Variants in ZDHHC3 observed in about 807,000 individuals in gnomAD.
ZDHHC3 encodes the protein zDHHC palmitoyltransferase 3, also known as palmitoyltransferase ZDHHC3.
Under a neutral mutation model 30.6 loss-of-function variants are expected in ZDHHC3, and 9 were observed. The observed-to-expected ratio is 0.29, with a 90% CI of 0.18 to 0.51. The LOEUF is 0.51. Ranked by LOEUF, ZDHHC3 falls within the 20% of genes least tolerant of loss-of-function variation. ZDHHC3 has a pLI of 0.97. For missense variants in ZDHHC3, 246 were observed against 384.2 expected, an observed-to-expected ratio of 0.64 and a Z score of 3.01; for synonymous variants, 136 against 140.2, an observed-to-expected ratio of 0.97 and a Z score of 0.21.
At chr3:44,936,114 G>T (rs1166802615) in intron 3 of ZDHHC3, among the ~76,000 whole-genome samples, 1 of 152,126 alleles carries the variant, frequency 6.6e-6, no homozygotes, top group African/African-American at 2.4e-5. Flanking sequence ...CTATGCATCT[G>T]ACAAAGGTCT....
At chr3:44,965,379 T>G (rs939430550) in intron 1 of ZDHHC3, among the ~76,000 whole-genome samples, 4 of 152,122 alleles carry the variant, frequency 2.6e-5, no homozygotes, top group Non-Finnish European at 4.4e-5. Context: ...GAGTCAGCCT[T>G]GGGGTATACC....
chr3:44,967,729 A>G (rs1705076429), intron 1 of ZDHHC3, among the ~76,000 whole-genome samples: 1 of 152,226 alleles, frequency 6.6e-6, no homozygotes, highest in Non-Finnish European at 1.5e-5. Flanking sequence ...AACTGGTTAA[A>G]AAAAATCAGA....
intron 2 of ZDHHC3, among the ~76,000 whole-genome samples, chr3:44,956,998 T>C (rs1575907433): frequency 6.6e-6 from 1 of 152,198 alleles, no homozygotes; most frequent in East Asian, 1.9e-4. Flanking sequence ...GTTTCTCAGA[T>C]GTGCTGAGCA....
At chr3:44,952,744 C>T (rs1703578123) in intron 2 of ZDHHC3, among the ~76,000 whole-genome samples, 1 of 152,194 alleles carries the variant, frequency 6.6e-6, no homozygotes, top group Non-Finnish European at 1.5e-5. Flanking sequence ...CAGGCACCTC[C>T]TTGCTTCTAG....
At chr3:44,965,752 T>C (rs547207042) in intron 1 of ZDHHC3, among the ~76,000 whole-genome samples, 1 of 152,200 alleles carries the variant, frequency 6.6e-6, no homozygotes, top group Non-Finnish European at 1.5e-5. Flanking sequence ...GTCCAGCAAG[T>C]GTACCAAGGA....
chr3:44,966,911 C>T (rs1704999086), intron 1 of ZDHHC3, among the ~76,000 whole-genome samples: 1 of 152,078 alleles, frequency 6.6e-6, no homozygotes, highest in Non-Finnish European at 1.5e-5. Flanking sequence ...AGAAAGGTGC[C>T]TTATCTTCTG....
Position 44,922,516 on chromosome 3 carries a change from G to A in ZDHHC3, c.*4173C>T. The A allele has an allele frequency of 2.0e-6, 2 of 985,404 alleles. No individual in the cohort carries two copies. Among genetic ancestry groups the A allele is most frequent in the Non-Finnish European group, 2.4e-6 (2 of 829,918 alleles). The allele number at this position is 985,404 out of a possible 1,614,324, so 61.0% of individuals were successfully genotyped here. On this transcript the variant is annotated 3_prime_UTR_variant, in exon 7 of 7. Coordinates refer to ENST00000424952, the MANE Select transcript of ZDHHC3 (RefSeq NM_001135179.2). ...GGGAGGCCGCAGCTTATGAGGGAAG[G>A]CAGTCTCAGTGGCTTCTCCGCGGAG...
At chr3:44,938,045 G>A (rs1374230982) in intron 3 of ZDHHC3, 2 of 332,158 alleles carry the variant, frequency 6.0e-6, no homozygotes, top group East Asian at 1.7e-4. Flanking sequence ...GTGCAATGGT[G>A]TGATCTCGGC....
chr3:44,947,221 A>C (rs1009701110), intron 2 of ZDHHC3, among the ~76,000 whole-genome samples: 1 of 152,226 alleles, frequency 6.6e-6, no homozygotes, highest in Non-Finnish European at 1.5e-5. Context: ...AGAGAGCAGA[A>C]GGAAGTTCTG....
chr3:44,944,232 C>T (rs1055493779), intron 3 of ZDHHC3, among the ~76,000 whole-genome samples: 3 of 152,136 alleles, frequency 2.0e-5, no homozygotes, highest in Non-Finnish European at 2.9e-5. Flanking sequence ...TCACCGCAAC[C>T]TCTGCCTCCC....
intron 2 of ZDHHC3, among the ~76,000 whole-genome samples, chr3:44,950,300 A>C (rs140786334): frequency 6.6e-6 from 1 of 152,204 alleles, no homozygotes; most frequent in Non-Finnish European, 1.5e-5. Flanking sequence ...GAGTTTTCCT[A>C]AATTATGGCC....
In ZDHHC3 at chr3:44,919,830, C is replaced by A; in HGVS notation, c.*6859G>T. On this transcript the variant is annotated 3_prime_UTR_variant, in exon 7 of 7. Coordinates refer to ENST00000424952, the MANE Select transcript of ZDHHC3 (RefSeq NM_001135179.2). The stretch of plus-strand genomic sequence containing the variant: ...CTGTTTTTGTCACATTTTTGTAAGT[C>A]TGATTTCACAAAAAGTTTAAAAATA... 1.0e-6 allele frequency: 1 copy of A among 994,860 alleles called. No homozygotes were observed. Among genetic ancestry groups the A allele is most frequent in the Non-Finnish European group, 1.2e-6 (1 of 828,954 alleles). The allele number at this position is 994,860 out of a possible 1,614,324, so 61.6% of individuals were successfully genotyped here.
chr3:44,933,010 A>G (rs753795078), intron 5 of ZDHHC3, 108 bp downstream of exon 5: 1 of 1,614,062 alleles, frequency 6.2e-7, no homozygotes, highest in South Asian at 1.1e-5. Flanking sequence ...GATTTAATAA[A>G]ATGAGGTTGG....
chr3:44,920,220 C>T lies in ZDHHC3; in HGVS notation c.*6469G>A, dbSNP rs1700496374. On this transcript the variant is annotated 3_prime_UTR_variant, in exon 7 of 7. Coordinates refer to ENST00000424952, the MANE Select transcript of ZDHHC3 (RefSeq NM_001135179.2). ...CATGTGGGTCATGAGCATGTGATGC[C>T]ATGCTGCTTCCTGACTGGCCCCTCG... The T allele has an allele frequency of 1.6e-6, 2 of 1,289,942 alleles. No homozygotes were observed. Among genetic ancestry groups the T allele is most frequent in the Non-Finnish European group, 2.0e-6 (2 of 988,904 alleles). The allele number at this position is 1,289,942 out of a possible 1,614,324, so 79.9% of individuals were successfully genotyped here.
At chr3:44,929,036 G>A (rs1354345635) in intron 6 of ZDHHC3, among the ~76,000 whole-genome samples, 1 of 152,226 alleles carries the variant, frequency 6.6e-6, no homozygotes, top group East Asian at 1.9e-4. Context: ...GCCATGGGGG[G>A]GATGGAAGGA....
chr3:44,947,327 GAGA>G (rs573346246), intron 2 of ZDHHC3, among the ~76,000 whole-genome samples: 210 of 152,298 alleles, frequency 1.4e-3, no homozygotes, highest in African/African-American at 4.6e-3. Context: ...AGAAGTAAGA[GAGA>G]AGATCAGTCA....
intron 3 of ZDHHC3, among the ~76,000 whole-genome samples, chr3:44,936,944 G>T (rs1002010210): frequency 6.6e-6 from 1 of 151,460 alleles, no homozygotes; most frequent in Non-Finnish European, 1.5e-5. Context: ...CCTCAATGTT[G>T]GCCCAAATAA....
At chr3:44,934,723 C>T (rs1701799563) in intron 3 of ZDHHC3, among the ~76,000 whole-genome samples, 1 of 151,846 alleles carries the variant, frequency 6.6e-6, no homozygotes, top group Non-Finnish European at 1.5e-5. Context: ...GAAACCCCAT[C>T]TCTACTAAAA....
At chr3:44,934,019 C>A in intron 3 of ZDHHC3, 35 bp from the exon 4 acceptor site, 1 of 1,605,908 alleles carries the variant, frequency 6.2e-7, no homozygotes, top group African/African-American at 1.3e-5. Context: ...TTTAGGGCAT[C>A]CCCATGGTGT....
Sources: allele counts gnomAD v4.1 joint callset (sites outside exome capture counted in the v4.1 genomes callset), GRCh38; gene constraint gnomAD v4.1.1; transcripts MANE v1.5; gene names NCBI Gene and HGNC (gene_info 2026-07-23, HGNC 2026-07-21).